The following CSMD1 variants were observed in gnomAD, a reference collection of about 807,000 sequenced individuals.
The protein encoded by CSMD1 is CUB and Sushi multiple domains 1.
CSMD1 carries 213 observed loss-of-function variants against 417.5 expected under a neutral mutation model. That is an observed-to-expected ratio of 0.51 (90% CI 0.46 to 0.57). CSMD1 has a LOEUF of 0.57. Ranked by LOEUF, CSMD1 falls within the 20% of genes least tolerant of loss-of-function variation. The pLI is 0.00. For synonymous variants in CSMD1, 2,862 were observed against 1,736.8 expected (o/e 1.65, Z -16.11); for missense variants, 6,923 against 4,529.7 (o/e 1.53, Z -15.17).
At position 3,107,662 on chromosome 8, in the gene CSMD1, T is replaced by C. The variant is rs1397063302; in HGVS notation, c.6835+56A>G. The C allele has an allele frequency of 8.6e-6, 8 of 931,780 alleles. No individual in the cohort carries two copies. In the Admixed American group the frequency reaches 1.1e-4, roughly 12 times the overall value. The allele number at this position is 931,780 out of a possible 1,614,324, so 57.7% of individuals were successfully genotyped here. A position where few individuals can be genotyped will look rare whatever the true frequency, so the allele number is the denominator to read the frequency against. ...TCTGAGTAATGATTACAATGAGAAG[T>C]GGGTGTAAAAAAATGTCGTGCTGAA... is the stretch of plus-strand genomic sequence containing the variant. On this transcript the variant is annotated intron_variant, in intron 45 of 69. Coordinates refer to ENST00000635120, the MANE Select transcript of CSMD1 (RefSeq NM_033225.6).
intron 5 of CSMD1, among the ~76,000 whole-genome samples, chr8:3,839,332 A>C (rs1169455810): frequency 8.5e-6 from 1 of 117,840 alleles, no homozygotes; most frequent in Admixed American, 1.1e-4. Flanking sequence ...TTAATTATAT[A>C]TACTATTAAT....
intron 3 of CSMD1, among the ~76,000 whole-genome samples, chr8:4,078,392 G>A (rs1397458609): frequency 1.4e-5 from 2 of 142,974 alleles, no homozygotes; most frequent in Non-Finnish European, 3.0e-5. Context: ...TCGACTCACT[G>A]CAAGCTCCAC....
chr8:3,246,416 C>G (rs1273714166), intron 26 of CSMD1, among the ~76,000 whole-genome samples: 5 of 152,170 alleles, frequency 3.3e-5, no homozygotes, highest in African/African-American at 1.2e-4. Context: ...GTCACGCTCT[C>G]ACATATTAAA....
At chr8:3,670,199 G>A (rs1370527681) in intron 7 of CSMD1, among the ~76,000 whole-genome samples, 1 of 151,882 alleles carries the variant, frequency 6.6e-6, no homozygotes, top group African/African-American at 2.4e-5. Flanking sequence ...TAATCTGGGT[G>A]GGTACCCTCT....
chr8:4,265,317 G>A (rs1804172799), intron 3 of CSMD1, among the ~76,000 whole-genome samples: 1 of 151,908 alleles, frequency 6.6e-6, no homozygotes, highest in African/African-American at 2.4e-5. Context: ...ATACGTTAGG[G>A]AAAAATTCTA....
rs749990934 is a variant in CSMD1 at position 3,107,836 on chromosome 8, T to A, written c.6755-38A>T. On this transcript the variant is annotated intron_variant, in intron 44 of 69. Transcript: ENST00000635120. Reference sequence around the variant, plus strand: ...TGGAAAGAATAATAATAATTGCAATTACACTTGCTGAATAAACACAACTAT... The same window carrying A: ...TGGAAAGAATAATAATAATTGCAATAACACTTGCTGAATAAACACAACTAT... The A allele has an allele frequency of 5.5e-6, 7 of 1,271,446 alleles. No homozygotes were observed. The South Asian group carries it at 6.4e-5, about 12-fold the overall frequency. The allele number at this position is 1,271,446 out of a possible 1,614,324, so 78.8% of individuals were successfully genotyped here.
In CSMD1 at chr8:4,628,036, C is replaced by CA. The variant is rs1406908146; in HGVS notation, c.302+9305dup. 2.0e-5 allele frequency among the ~76,000 whole-genome samples: 3 copies of CA among 151,444 alleles called. 1 individual carries two copies. Among genetic ancestry groups the CA allele is most frequent in the South Asian group, 4.2e-4 (2 of 4,780 alleles). ...TAGATACTGCCACTGTTCCCTGGGA[C>CA]AAAAAAATCACCCCCAGTGGAGAAA... On this transcript the variant is annotated intron_variant, in intron 2 of 69. Transcript: ENST00000635120.
chr8:4,228,392 A>G (rs1395115019), intron 3 of CSMD1, among the ~76,000 whole-genome samples: 1 of 152,032 alleles, frequency 6.6e-6, no homozygotes, highest in Non-Finnish European at 1.5e-5. Context: ...TGTCAAGGTT[A>G]TCTATGCCCC....
At chr8:3,840,064 T>G (rs919193930) in intron 5 of CSMD1, among the ~76,000 whole-genome samples, 1 of 152,270 alleles carries the variant, frequency 6.6e-6, no homozygotes, top group Non-Finnish European at 1.5e-5. Flanking sequence ...TTTTTTAATA[T>G]ATAATAGCTC....
chr8:4,006,062 G>C (rs754650709), intron 4 of CSMD1, among the ~76,000 whole-genome samples: 2 of 152,198 alleles, frequency 1.3e-5, no homozygotes, highest in Non-Finnish European at 2.9e-5. Context: ...CAAGGAATGA[G>C]CTGGAGGAAG....
At chr8:4,734,559 T>C (rs923872901) in intron 1 of CSMD1, among the ~76,000 whole-genome samples, 2 of 152,216 alleles carry the variant, frequency 1.3e-5, no homozygotes, top group African/African-American at 2.4e-5. Flanking sequence ...GAAGTATAAG[T>C]AAATGCTGGG....
At chr8:3,501,222 C>T (rs1291874195) in intron 10 of CSMD1, among the ~76,000 whole-genome samples, 1 of 152,138 alleles carries the variant, frequency 6.6e-6, no homozygotes, top group Non-Finnish European at 1.5e-5. Flanking sequence ...ATCTTTGCCT[C>T]TGTGCATGTG....
intron 52 of CSMD1, among the ~76,000 whole-genome samples, chr8:3,010,704 T>G (rs1318606096): frequency 6.6e-6 from 1 of 152,078 alleles, no homozygotes; most frequent in Admixed American, 6.6e-5. Flanking sequence ...ATTTCTCAAG[T>G]AATGTGCCTA....
chr8:3,861,395 G>A (rs769038061), intron 5 of CSMD1, among the ~76,000 whole-genome samples: 5 of 152,180 alleles, frequency 3.3e-5, no homozygotes, highest in Non-Finnish European at 7.3e-5. Flanking sequence ...CATTGTTCAT[G>A]GTGAAAATAA....
rs556994099 is a variant in CSMD1, at chr8:4,344,454, C to T, written c.415+75499G>A. 7.9e-5 allele frequency among the ~76,000 whole-genome samples: 12 copies of T among 152,034 alleles called. No individual in the cohort carries two copies. The East Asian group carries it at 2.3e-3, about 29-fold the overall frequency. On this transcript the variant is annotated intron_variant, in intron 3 of 69. Transcript: ENST00000635120. ...TTTAAAACTGAACTGCTCAAAGATGCATTCTTTTACAAATGTCTACCTCTA... is the reference window on the plus strand; with the variant it reads ...TTTAAAACTGAACTGCTCAAAGATGTATTCTTTTACAAATGTCTACCTCTA...
intron 12 of CSMD1, among the ~76,000 whole-genome samples, chr8:3,411,465 C>A (rs1812695681): frequency 6.6e-6 from 1 of 151,776 alleles, no homozygotes; most frequent in Non-Finnish European, 1.5e-5. Context: ...TTCCCCGAGT[C>A]CCCAAGGTCC....
At chr8:4,213,029 A>G (rs559782940) in intron 3 of CSMD1, among the ~76,000 whole-genome samples, 2 of 152,130 alleles carry the variant, frequency 1.3e-5, no homozygotes, top group South Asian at 4.2e-4. Context: ...TTTAAAACTG[A>G]GTTACTAATT....
intron 10 of CSMD1, among the ~76,000 whole-genome samples, chr8:3,565,409 A>C (rs2116888083): frequency 6.6e-6 from 1 of 152,248 alleles, no homozygotes; most frequent in East Asian, 1.9e-4. Context: ...GTGTTATAGG[A>C]AAGGGTGGTG....
chr8:3,501,043 A>C (rs540784421), intron 10 of CSMD1, among the ~76,000 whole-genome samples: 1 of 152,204 alleles, frequency 6.6e-6, no homozygotes, highest in Admixed American at 6.5e-5. Context: ...ACAAAATATT[A>C]ATTTATAAAC....
Sources: allele counts gnomAD v4.1 joint callset (sites outside exome capture counted in the v4.1 genomes callset), GRCh38; gene constraint gnomAD v4.1.1; transcripts MANE v1.5; gene names NCBI Gene and HGNC (gene_info 2026-07-23, HGNC 2026-07-21).